The following LIN28B variants were observed in gnomAD, a reference collection of about 807,000 sequenced individuals.
The protein encoded by LIN28B is protein lin-28 homolog B.
A neutral mutation model predicts 21.9 loss-of-function variants in LIN28B; 5 were observed. That is an observed-to-expected ratio of 0.23 (90% CI 0.12 to 0.48). The LOEUF is 0.48. LIN28B is among the 20% of genes least tolerant of loss of function. The pLI is 0.98. For synonymous variants in LIN28B, 109 were observed against 111.3 expected, an observed-to-expected ratio of 0.98 and a Z score of 0.13; for missense variants, 245 against 310.5, an observed-to-expected ratio of 0.79 and a Z score of 1.58.
chr6:105,010,237 C>T (rs961856237), intron 2 of LIN28B, among the ~76,000 whole-genome samples: 3 of 151,204 alleles, frequency 2.0e-5, no homozygotes, highest in African/African-American at 7.3e-5. Flanking sequence ...GTGGTGTGTA[C>T]CTGTAGTCCC....
At chr6:105,059,425 G>T (rs892748742) in intron 3 of LIN28B, among the ~76,000 whole-genome samples, 7 of 152,124 alleles carry the variant, frequency 4.6e-5, no homozygotes, top group Non-Finnish European at 8.8e-5. Context: ...TGTTCTTTCA[G>T]TGATGTCTCC....
At chr6:105,000,356 AGT>A (rs567516819) in intron 2 of LIN28B, among the ~76,000 whole-genome samples, 280 of 152,312 alleles carry the variant, frequency 1.8e-3, no homozygotes, top group Admixed American at 3.2e-3. Flanking sequence ...TGGTCACAGT[AGT>A]GTGGTGGGAT....
chr6:105,060,518 G>A lies in LIN28B; in HGVS notation c.384-17896G>A, dbSNP rs1772105594. ...AGTGGTTGGTGACTGAGTGGTATGA[G>A]CAGACTGATAGATGCACCTGGAGTA... is the stretch of plus-strand genomic sequence containing the variant. On this transcript the variant is annotated intron_variant, in intron 3 of 3. Coordinates refer to ENST00000345080, the MANE Select transcript of LIN28B (RefSeq NM_001004317.4). Among the ~76,000 whole-genome samples, 4 of 152,098 alleles carry A rather than the reference G, an allele frequency of 2.6e-5. No homozygotes were observed. The South Asian group carries it at 8.3e-4, about 32-fold the overall frequency.
At chr6:105,050,576 T>C (rs1771878753) in intron 3 of LIN28B, among the ~76,000 whole-genome samples, 1 of 115,156 alleles carries the variant, frequency 8.7e-6, no homozygotes, top group Admixed American at 1.3e-4. Flanking sequence ...CAGTCCGCAG[T>C]CCAGCCTGGG....
At chr6:105,006,417 T>A (rs1034428733) in intron 2 of LIN28B, among the ~76,000 whole-genome samples, 1 of 152,148 alleles carries the variant, frequency 6.6e-6, no homozygotes, top group African/African-American at 2.4e-5. Context: ...GTTCAAGCAA[T>A]TCTCCTGTCT....
At chr6:105,007,438 C>G (rs1191219415) in intron 2 of LIN28B, among the ~76,000 whole-genome samples, 1 of 151,912 alleles carries the variant, frequency 6.6e-6, no homozygotes, top group Non-Finnish European at 1.5e-5. Context: ...TTATAAATGT[C>G]CAATTTGGAG....
intron 3 of LIN28B, among the ~76,000 whole-genome samples, chr6:105,041,987 C>G (rs774815588): frequency 9.9e-5 from 15 of 152,072 alleles, no homozygotes; most frequent in Admixed American, 1.3e-4. Flanking sequence ...GTGCTCAATC[C>G]TAGTGCCAAG....
intron 2 of LIN28B, among the ~76,000 whole-genome samples, chr6:104,988,436 A>ATT (rs375793832): frequency 7.9e-6 from 1 of 126,498 alleles, no homozygotes; most frequent in African/African-American, 2.9e-5. Flanking sequence ...AAAGATTTGT[A>ATT]TTTTTTTTTT....
At chr6:104,959,222 T>G (rs184339745) in intron 2 of LIN28B, among the ~76,000 whole-genome samples, 301 of 152,226 alleles carry the variant, frequency 2.0e-3, no homozygotes, top group Non-Finnish European at 3.4e-3. Context: ...AAAAGGTAAA[T>G]ATAAATTTTC....
intron 2 of LIN28B, among the ~76,000 whole-genome samples, chr6:104,996,648 A>G (rs1562086482): frequency 1.3e-5 from 2 of 152,132 alleles, no homozygotes; most frequent in African/African-American, 4.8e-5. Context: ...AAGTAAGGAA[A>G]AACCAGGTCG....
chr6:105,009,229 T>C (rs148922458), intron 2 of LIN28B, among the ~76,000 whole-genome samples: 119 of 152,298 alleles, frequency 7.8e-4, no homozygotes, highest in African/African-American at 2.7e-3. Context: ...AAGTTTTGTG[T>C]TAGGGATTCC....
chr6:104,953,019 T>A (rs1339448918), upstream of LIN28B, among the ~76,000 whole-genome samples: 1 of 152,224 alleles, frequency 6.6e-6, no homozygotes, highest in East Asian at 1.9e-4. Context: ...CGCCTTGCAT[T>A]TGTCTCCATG....
chr6:105,014,261 C>T (rs1259891049), intron 2 of LIN28B, among the ~76,000 whole-genome samples: 1 of 152,210 alleles, frequency 6.6e-6, no homozygotes, highest in Non-Finnish European at 1.5e-5. Context: ...GATCCTCCCA[C>T]TTCAGCCTCC....
chr6:104,977,078 A>T (rs950924705), intron 2 of LIN28B, among the ~76,000 whole-genome samples: 2 of 151,986 alleles, frequency 1.3e-5, no homozygotes, highest in Non-Finnish European at 2.9e-5. Context: ...AGGTTGAAGT[A>T]CAGTGACATG....
rs556217586 is a variant in LIN28B, at chr6:104,993,665, A to G, written c.199-32633A>G. Among the ~76,000 whole-genome samples the G allele has an allele frequency of 4.6e-5, 7 of 151,716 alleles. No homozygotes were observed. The East Asian group carries it at 1.4e-3, about 30-fold the overall frequency. On this transcript the variant is annotated intron_variant, in intron 2 of 3. Coordinates refer to ENST00000345080, the MANE Select transcript of LIN28B (RefSeq NM_001004317.4). ...AGCCTGGCCAAGATGGTGAAACCCT[A>G]TCTCTACAAAAATACAAAAACTAGC...
intron 3 of LIN28B, among the ~76,000 whole-genome samples, chr6:105,045,820 G>A (rs185635953): frequency 2.0e-5 from 3 of 152,240 alleles, no homozygotes; most frequent in East Asian, 3.9e-4. Context: ...AGGATGCTGA[G>A]CAAAACCTTG....
intron 3 of LIN28B, among the ~76,000 whole-genome samples, chr6:105,042,190 T>C (rs922084404): frequency 6.6e-6 from 1 of 152,012 alleles, no homozygotes; most frequent in Non-Finnish European, 1.5e-5. Context: ...GAAGAAAAAG[T>C]GCCATTATGA....
intron 2 of LIN28B, among the ~76,000 whole-genome samples, chr6:104,983,886 G>T (rs1438870031): frequency 6.6e-6 from 1 of 152,112 alleles, no homozygotes; most frequent in Non-Finnish European, 1.5e-5. Flanking sequence ...GATTCTCCAG[G>T]TGTTTTAAAT....
Position 105,042,776 on chromosome 6 carries a change from T to G in LIN28B, c.383+16294T>G, listed in dbSNP as rs556969303. Among the ~76,000 whole-genome samples the G allele has an allele frequency of 3.9e-5, 6 of 152,352 alleles. No homozygotes were observed. In the South Asian group the frequency reaches 1.0e-3, roughly 26 times the overall value. On this transcript the variant is annotated intron_variant, in intron 3 of 3. Transcript: ENST00000345080. Reference sequence around the variant, plus strand: ...GCCAGGTTTTCTAAAAGTGCAGCTCTCTCTCTCAGGTTACTTTGTCCCTAT... The same window carrying G: ...GCCAGGTTTTCTAAAAGTGCAGCTCGCTCTCTCAGGTTACTTTGTCCCTAT...
Sources: gnomAD v4.1 joint callset for allele counts (sites outside exome capture counted in the v4.1 genomes callset) on GRCh38, gnomAD v4.1.1 for gene constraint, MANE v1.5 for transcripts, NCBI Gene and HGNC (gene_info 2026-07-23, HGNC 2026-07-21) for gene names.